Variants in SLC25A48 observed in about 807,000 individuals in gnomAD.
SLC25A48 encodes the protein solute carrier family 25 member 48.
In SLC25A48, 29 loss-of-function variants were observed where a neutral mutation model predicts 32.2. The observed-to-expected ratio is 0.90, with a 90% confidence interval of 0.67 to 1.23. The LOEUF (loss-of-function observed/expected upper bound fraction) is 1.23, where lower values mean the gene tolerates loss of function less well. Ranked by LOEUF, SLC25A48 falls within the 50% of genes most tolerant of loss-of-function variation. The pLI is 0.00. For synonymous variants in SLC25A48, 164 were observed against 172.3 expected, an observed-to-expected ratio of 0.95 and a Z score of 0.38; for missense variants, 399 against 422.7, an observed-to-expected ratio of 0.94 and a Z score of 0.49.
chr5:135,750,451 G>A (rs1375355617), intron 3 of SLC25A48, among the ~76,000 whole-genome samples: 3 of 152,124 alleles, frequency 2.0e-5, no homozygotes, highest in Non-Finnish European at 2.9e-5. Context: ...AGTATTCAGT[G>A]GTCTAGCCTG....
At chr5:135,875,004 C>G in intron 6 of SLC25A48, 1 of 373,312 alleles carries the variant, frequency 2.7e-6, no homozygotes, top group Non-Finnish European at 4.7e-6. Context: ...ATCATCCCTT[C>G]CATGAAGGGC....
chr5:135,666,734 T>C (rs1207140654), intron 3 of SLC25A48, among the ~76,000 whole-genome samples: 8 of 151,870 alleles, frequency 5.3e-5, no homozygotes, highest in Admixed American at 1.3e-4. Context: ...AGGAACCCAA[T>C]TGAGAGTTGT....
chr5:135,794,832 C>CG (rs967909484), intron 3 of SLC25A48, among the ~76,000 whole-genome samples: 25 of 151,436 alleles, frequency 1.7e-4, no homozygotes, highest in South Asian at 1.0e-3. Flanking sequence ...TCCTAATATT[C>CG]GGGGGGGAAG....
In SLC25A48 at chr5:135,793,069, G is replaced by A. The variant is rs182420343; in HGVS notation, c.-520-19454G>A. On this transcript the variant is annotated intron_variant, in intron 3 of 10. Coordinates refer to the SLC25A48 transcript ENST00000646290. Reference sequence around the variant, plus strand: ...GTGGGTACACCCTGGGATATTATTTGTATTATCCAGGGAAGATATTAGTCT... The same window carrying A: ...GTGGGTACACCCTGGGATATTATTTATATTATCCAGGGAAGATATTAGTCT... Among the ~76,000 whole-genome samples, 342 of 150,600 alleles carry A rather than the reference G, an allele frequency of 2.3e-3. 1 individual carries two copies. Among genetic ancestry groups the A allele is most frequent in the African/African-American group, 8.1e-3 (332 of 40,998 alleles).
chr5:135,759,464 T>C (rs1274606593), intron 3 of SLC25A48, among the ~76,000 whole-genome samples: 4 of 152,198 alleles, frequency 2.6e-5, no homozygotes, highest in Non-Finnish European at 5.9e-5. Flanking sequence ...TCTCGTGCAA[T>C]TTCTTTAAGT....
chr5:135,643,065 A>G (rs1175253440), intron 3 of SLC25A48, among the ~76,000 whole-genome samples: 1 of 152,226 alleles, frequency 6.6e-6, no homozygotes, highest in Non-Finnish European at 1.5e-5. Flanking sequence ...AACAGTCAGC[A>G]GTCTGGGGTG....
chr5:135,849,834 G>A (rs1197109086), intron 2 of SLC25A48, among the ~76,000 whole-genome samples: 6 of 152,164 alleles, frequency 3.9e-5, no homozygotes, highest in African/African-American at 1.4e-4. Flanking sequence ...AGAGGAGATG[G>A]CATGTGGGGT....
intron 3 of SLC25A48, among the ~76,000 whole-genome samples, chr5:135,768,451 A>G (rs6869145): frequency 0.31 from 46,433 of 150,968 alleles, 7,330 homozygotes; most frequent in East Asian, 0.46. Context: ...AGAGAAGGAT[A>G]TTACTTCTAA....
intron 4 of SLC25A48, among the ~76,000 whole-genome samples, chr5:135,864,681 G>A (rs1200672208): frequency 6.6e-6 from 1 of 152,172 alleles, no homozygotes; most frequent in Admixed American, 6.5e-5. Flanking sequence ...TGTTCTGAAC[G>A]GTTTGACTAG....
At chr5:135,846,873 A>G (rs1759468506) in intron 2 of SLC25A48, among the ~76,000 whole-genome samples, 1 of 152,224 alleles carries the variant, frequency 6.6e-6, no homozygotes, top group Admixed American at 6.5e-5. Context: ...CCTCATGTTA[A>G]ATAGTCAAAT....
intron 3 of SLC25A48, among the ~76,000 whole-genome samples, chr5:135,759,258 A>C (rs1213863728): frequency 1.3e-5 from 2 of 152,196 alleles, no homozygotes; most frequent in Non-Finnish European, 2.9e-5. Context: ...TTAATACCAT[A>C]CAAAGCATTT....
intron 3 of SLC25A48, among the ~76,000 whole-genome samples, chr5:135,656,725 G>A (rs1313567833): frequency 6.6e-6 from 1 of 152,148 alleles, no homozygotes; most frequent in Non-Finnish European, 1.5e-5. Flanking sequence ...GAGTAGAAGA[G>A]ATATGCAGGG....
rs562649209 is a variant in SLC25A48 at position 135,586,691 on chromosome 5, A to G, written c.-849+7094A>G. Reference sequence around the variant, plus strand: ...AGAGACAACAGCTTAAACAACTGCTATGGGATGGGGAAGGTCAAGGAAACT... The same window carrying G: ...AGAGACAACAGCTTAAACAACTGCTGTGGGATGGGGAAGGTCAAGGAAACT... On this transcript the variant is annotated intron_variant, in intron 1 of 10. Coordinates refer to the SLC25A48 transcript ENST00000646290. Among the ~76,000 whole-genome samples, 19 of 152,302 alleles carry G rather than the reference A, an allele frequency of 1.2e-4. No homozygotes were observed. In the South Asian group the frequency reaches 3.1e-3, roughly 25 times the overall value.
At chr5:135,685,900 G>A (rs1754012108) in intron 3 of SLC25A48, among the ~76,000 whole-genome samples, 1 of 152,154 alleles carries the variant, frequency 6.6e-6, no homozygotes, top group Non-Finnish European at 1.5e-5. Context: ...GATTCCCTGG[G>A]GATTTTTGAC....
chr5:135,726,636 G>A (rs1005400110), intron 3 of SLC25A48, among the ~76,000 whole-genome samples: 2 of 152,204 alleles, frequency 1.3e-5, no homozygotes, highest in African/African-American at 4.8e-5. Context: ...GTTGTTGCAT[G>A]TGTCAATAGT....
chr5:135,606,766 T>G lies in SLC25A48; in HGVS notation c.-848-22471T>G, dbSNP rs145543029. 9.8e-5 allele frequency among the ~76,000 whole-genome samples: 15 copies of G among 152,318 alleles called. 1 individual carries two copies. In the East Asian group the frequency reaches 1.5e-3, roughly 16 times the overall value. Reference sequence around the variant, plus strand: ...AAACAGCATCACTACTAGAGGTGTCTTTGTATCTGTGGCCTCTGAACAAAT... The same window carrying G: ...AAACAGCATCACTACTAGAGGTGTCGTTGTATCTGTGGCCTCTGAACAAAT... On this transcript the variant is annotated intron_variant, in intron 1 of 10. Coordinates refer to the SLC25A48 transcript ENST00000646290.
upstream of SLC25A48, among the ~76,000 whole-genome samples, chr5:135,829,898 C>A (rs17169199): frequency 0.026 from 3,953 of 152,034 alleles, 161 homozygotes; most frequent in African/African-American, 0.089. Flanking sequence ...GGAGAACTTG[C>A]GTCAGAGAAT....
rs1758351089 is a variant in SLC25A48, at chr5:135,834,732, G to T, written c.-116G>T. 8.7e-7 allele frequency: 1 copy of T among 1,144,806 alleles called. No individual in the cohort carries two copies. The highest frequency in any genetic ancestry group is 1.6e-5 in the South Asian group (1 of 62,574). The allele number at this position is 1,144,806 out of a possible 1,614,324, so 70.9% of individuals were successfully genotyped here. On this transcript the variant is annotated 5_prime_UTR_variant, in exon 1 of 8. Coordinates refer to ENST00000681962, the MANE Select transcript of SLC25A48 (RefSeq NM_001349336.2). ...GGACTGGGTTTGGAGTAGGACCTGCGGCGTGCTCGAGACTCCGACTTCGGT... is the reference window on the plus strand; with the variant it reads ...GGACTGGGTTTGGAGTAGGACCTGCTGCGTGCTCGAGACTCCGACTTCGGT...
chr5:135,806,661 T>A (rs1217433058), intron 3 of SLC25A48, among the ~76,000 whole-genome samples: 1 of 150,534 alleles, frequency 6.6e-6, no homozygotes, highest in Non-Finnish European at 1.5e-5. Flanking sequence ...TAGCACTGTG[T>A]GTTAATACTA....
Sources: allele counts gnomAD v4.1 joint callset (sites outside exome capture counted in the v4.1 genomes callset), GRCh38; gene constraint gnomAD v4.1.1; transcripts MANE v1.5; gene names NCBI Gene and HGNC (gene_info 2026-07-23, HGNC 2026-07-21).